The following DNAH12 variants were observed in gnomAD, a reference collection of about 807,000 sequenced individuals.
DNAH12 encodes the protein axonemal beta dynein heavy chain 12.
DNAH12 carries 285 observed loss-of-function variants against 371.5 expected under a neutral mutation model. The observed-to-expected ratio is 0.77, with a 90% CI of 0.70 to 0.85. DNAH12 has a LOEUF of 0.85. Ranked by LOEUF, DNAH12 falls within the 40% of genes least tolerant of loss-of-function variation. DNAH12 has a pLI of 0.00. For synonymous variants in DNAH12, 1,200 were observed against 1,213.0 expected (o/e 0.99, Z 0.22); for missense variants, 3,611 against 3,689.4 (o/e 0.98, Z 0.55).
chr3:57,401,558 C>A (rs140767228), intron 43 of DNAH12, among the ~76,000 whole-genome samples: 4 of 77,602 alleles, frequency 5.2e-5, no homozygotes, highest in African/African-American at 1.1e-4. Context: ...AGTGAGACTC[C>A]ATCTCAAAAA....
chr3:57,333,272 G>A (rs1254717074), intron 62 of DNAH12, among the ~76,000 whole-genome samples: 1 of 146,896 alleles, frequency 6.8e-6, no homozygotes, highest in Non-Finnish European at 1.5e-5. Context: ...GCCTCCCAAA[G>A]TACTGGGATT....
chr3:57,435,643 A>C (rs2065100664), intron 30 of DNAH12, among the ~76,000 whole-genome samples: 1 of 152,056 alleles, frequency 6.6e-6, no homozygotes, highest in African/African-American at 2.4e-5. Context: ...CTAAAACATA[A>C]GTGAATGTTC....
At position 57,301,265 on chromosome 3, in the gene DNAH12, CAAAAAAAAAAAAAA is replaced by C. The variant is rs71088054; in HGVS notation, c.11394+456_11394+469del. On this transcript the variant is annotated intron_variant, in intron 70 of 73. Coordinates refer to ENST00000495027, the MANE Select transcript of DNAH12 (RefSeq NM_001366028.2). ...TGGATGACAGAGCAAGACCCTGTCT[CAAAAAAAAAAAAAA>C]AAAAAAAAAAAAAAAAAAAAAAATC... 3.3e-4 allele frequency among the ~76,000 whole-genome samples: 14 copies of C among 43,050 alleles called. No individual in the cohort carries two copies. In the East Asian group the frequency reaches 4.6e-3, roughly 14 times the overall value. The allele number at this position is 43,050 out of a possible 152,430, so 28.2% of individuals were successfully genotyped here. A position where few individuals can be genotyped will look rare whatever the true frequency, so the allele number is the denominator to read the frequency against.
intron 22 of DNAH12, 122 bp from the exon 23 acceptor site, chr3:57,455,016 A>T: frequency 9.9e-7 from 1 of 1,010,394 alleles, no homozygotes; most frequent in Non-Finnish European, 1.3e-6. Flanking sequence ...TATAGTCATA[A>T]AAAATGTTAA....
intron 29 of DNAH12, among the ~76,000 whole-genome samples, chr3:57,440,252 CAATAGCAAA>C: frequency 6.6e-6 from 1 of 152,290 alleles, no homozygotes; most frequent in African/African-American, 2.4e-5. Flanking sequence ...GCACTATTCA[CAATAGCAAA>C]GACATGGAAT....
chr3:57,555,958 C>A, the DNAH12 span, among the ~76,000 whole-genome samples: 2 of 152,212 alleles, frequency 1.3e-5, no homozygotes, highest in Non-Finnish European at 2.9e-5. Context: ...CAGTCCCGGG[C>A]GCAGGGAGGA....
intron 65 of DNAH12, among the ~76,000 whole-genome samples, chr3:57,321,846 G>T (rs2153292197): frequency 6.6e-6 from 1 of 152,238 alleles, no homozygotes; most frequent in East Asian, 1.9e-4. Context: ...GACCCTTAAA[G>T]TCTCCAGTAC....
intron 4 of DNAH12, among the ~76,000 whole-genome samples, chr3:57,515,359 T>G (rs1470555307): frequency 6.7e-6 from 1 of 148,672 alleles, no homozygotes; most frequent in Non-Finnish European, 1.5e-5. Context: ...AAAGTAAGGA[T>G]GTGCTCAAAG....
At chr3:57,338,113 C>A (rs1006805339) in intron 60 of DNAH12, among the ~76,000 whole-genome samples, 1 of 152,174 alleles carries the variant, frequency 6.6e-6, no homozygotes, top group Non-Finnish European at 1.5e-5. Context: ...CTCGGGCTCC[C>A]GTGATTCTCC....
chr3:57,463,280 GA>G (rs373199007), intron 17 of DNAH12, among the ~76,000 whole-genome samples: 3,981 of 136,312 alleles, frequency 0.029, 64 homozygotes, highest in Middle Eastern at 0.039. Context: ...TCTCTATTTA[GA>G]AAAAAAAAAA....
chr3:57,422,809 C>T (rs1475028969), intron 35 of DNAH12, among the ~76,000 whole-genome samples: 1 of 152,078 alleles, frequency 6.6e-6, no homozygotes, highest in Non-Finnish European at 1.5e-5. Context: ...AAAAGCAACC[C>T]AAATTGTTCT....
intron 2 of DNAH12, among the ~76,000 whole-genome samples, chr3:57,539,165 C>G (rs1300302967): frequency 6.6e-6 from 1 of 152,234 alleles, no homozygotes; most frequent in Non-Finnish European, 1.5e-5. Context: ...TTCCTGCCCT[C>G]TTCCTCTCCA....
At chr3:57,403,602 C>T (rs1304586433) in intron 42 of DNAH12, 101 bp from the exon 43 acceptor site, 4 of 1,132,972 alleles carry the variant, frequency 3.5e-6, no homozygotes, top group Non-Finnish European at 4.9e-6. Flanking sequence ...TGTGACTCTG[C>T]TGTCCCATAT....
At chr3:57,427,414 C>T (rs749375200) in intron 34 of DNAH12, among the ~76,000 whole-genome samples, 3 of 151,418 alleles carry the variant, frequency 2.0e-5, no homozygotes, top group East Asian at 3.9e-4. Flanking sequence ...TGGCCGGATG[C>T]GGTTGCTCAT....
chr3:57,450,107 G>A (rs866356513), intron 25 of DNAH12, among the ~76,000 whole-genome samples: 8 of 152,290 alleles, frequency 5.3e-5, no homozygotes, highest in African/African-American at 1.9e-4. Flanking sequence ...AATCAGCCAG[G>A]TACAGTGGCA....
intron 2 of DNAH12, among the ~76,000 whole-genome samples, chr3:57,534,902 T>A (rs775445202): frequency 1.3e-5 from 2 of 152,230 alleles, no homozygotes; most frequent in Non-Finnish European, 2.9e-5. Flanking sequence ...AGTCATATTC[T>A]TTGTTCATGT....
chr3:57,532,731 A>G (rs976683881), intron 2 of DNAH12, among the ~76,000 whole-genome samples: 2 of 152,160 alleles, frequency 1.3e-5, no homozygotes, highest in African/African-American at 4.8e-5. Flanking sequence ...TGGAGGTGGG[A>G]TGACACAAGC....
intron 55 of DNAH12, among the ~76,000 whole-genome samples, chr3:57,373,062 A>T (rs1280638807): frequency 6.6e-6 from 1 of 152,186 alleles, no homozygotes; most frequent in Non-Finnish European, 1.5e-5. Flanking sequence ...CATCATGTCC[A>T]AAAATGCAAA....
At chr3:57,551,821 C>T in the DNAH12 span, among the ~76,000 whole-genome samples, 5 of 148,034 alleles carry the variant, frequency 3.4e-5, no homozygotes, top group African/African-American at 1.2e-4. Context: ...GAAAAAAAAA[C>T]AGAACTTGAG....
Sources: gnomAD v4.1 joint callset for allele counts (sites outside exome capture counted in the v4.1 genomes callset) on GRCh38, gnomAD v4.1.1 for gene constraint, MANE v1.5 for transcripts, NCBI Gene and HGNC (gene_info 2026-07-23, HGNC 2026-07-21) for gene names.